The following ABCA5 variants were observed in gnomAD, a reference collection of about 807,000 sequenced individuals.
ABCA5 encodes cholesterol transporter ABCA5.
A neutral mutation model predicts 206.0 loss-of-function variants in ABCA5; 163 were observed. The ratio of observed to expected loss-of-function variants is 0.79; its 90% CI spans 0.70 to 0.90. The LOEUF is 0.90. Among genes scored for constraint, ABCA5 ranks in the 40% least tolerant of loss-of-function variants. The pLI is 0.00. For synonymous variants in ABCA5, 609 were observed against 613.8 expected, an observed-to-expected ratio of 0.99 and a Z score of 0.11; for missense variants, 1,859 against 1,912.9, an observed-to-expected ratio of 0.97 and a Z score of 0.53.
At chr17:69,259,564 A>T (rs957028235) in intron 28 of ABCA5, 142 bp downstream of exon 28, 12 of 509,324 alleles carry the variant, frequency 2.4e-5, no homozygotes, top group African/African-American at 2.2e-4. Flanking sequence ...AGCTATGGGA[A>T]TAGGGATAAG....
chr17:69,270,480 A>C (rs1341844685), intron 22 of ABCA5, 133 bp downstream of exon 22: 1 of 791,998 alleles, frequency 1.3e-6, no homozygotes, highest in Non-Finnish European at 1.9e-6. Flanking sequence ...ACCGTTTCTC[A>C]CTTGAGTTTT....
At chr17:69,247,839 AGATAT>A (rs1463343670) in intron 38 of ABCA5, among the ~76,000 whole-genome samples, 195 bp from the exon 39 acceptor site, 11 of 152,114 alleles carry the variant, frequency 7.2e-5, no homozygotes, top group Admixed American at 1.3e-4. Flanking sequence ...TTAGATTAAT[AGATAT>A]GTTTTTTAAA....
chr17:69,259,593 T>A (rs1374898039), intron 28 of ABCA5, 113 bp downstream of exon 28: 1 of 664,872 alleles, frequency 1.5e-6, no homozygotes, highest in African/African-American at 1.9e-5. Flanking sequence ...TGTTAATGGG[T>A]ACAAAGTTTC....
chr17:69,300,607 A>G (rs761474348), intron 9 of ABCA5, among the ~76,000 whole-genome samples: 6 of 152,246 alleles, frequency 3.9e-5, no homozygotes, highest in Non-Finnish European at 8.8e-5. Flanking sequence ...TAATTGATTT[A>G]ATTGTAATCA....
At chr17:69,282,876 T>C (rs2075410557) in intron 18 of ABCA5, among the ~76,000 whole-genome samples, 1 of 151,940 alleles carries the variant, frequency 6.6e-6, no homozygotes, top group South Asian at 2.1e-4. Flanking sequence ...TATCAAAAGC[T>C]TAGGAATTAT....
At chr17:69,297,149 T>C (rs1169513025) in intron 10 of ABCA5, 42 bp downstream of exon 10, 2 of 1,554,478 alleles carry the variant, frequency 1.3e-6, no homozygotes, top group East Asian at 4.5e-5. Context: ...AAATGTTTCA[T>C]CAGCAGTTCT....
chr17:69,275,045 T>C (rs2075316048), intron 19 of ABCA5, among the ~76,000 whole-genome samples: 1 of 152,048 alleles, frequency 6.6e-6, no homozygotes, highest in South Asian at 2.1e-4. Context: ...GGTTTTGCCA[T>C]GTTGGCCAGA....
chr17:69,322,968 C>T (rs989291462), intron 1 of ABCA5, among the ~76,000 whole-genome samples: 56 of 152,248 alleles, frequency 3.7e-4, no homozygotes, highest in Non-Finnish European at 2.4e-4. Context: ...GAAAGGCTAG[C>T]TGAAAATACA....
At chr17:69,322,936 T>C (rs2075876060) in intron 1 of ABCA5, among the ~76,000 whole-genome samples, 1 of 152,198 alleles carries the variant, frequency 6.6e-6, no homozygotes, top group Non-Finnish European at 1.5e-5. Context: ...GTCACCTTCT[T>C]AGCATCCTTA....
At chr17:69,289,606 T>C (rs931952549) in intron 13 of ABCA5, among the ~76,000 whole-genome samples, 1 of 151,800 alleles carries the variant, frequency 6.6e-6, no homozygotes, top group African/African-American at 2.4e-5. Context: ...TGTGTGGAAG[T>C]GGGAGGGGGT....
Position 69,277,879 on chromosome 17 carries a change from C to A in ABCA5, c.2393-37G>T. The A allele has an allele frequency of 3.5e-6, 5 of 1,410,566 alleles. No homozygotes were observed. In the South Asian group the frequency reaches 6.4e-5, roughly 18 times the overall value. 87.4% of individuals were successfully genotyped at this position (1,410,566 alleles called of 1,614,324 possible). Reference sequence around the variant, plus strand: ...AACAAAACAAACATTTCAGTATGTTCATTAAAAAAGATACAAACTTTCTGA... The same window carrying A: ...AACAAAACAAACATTTCAGTATGTTAATTAAAAAAGATACAAACTTTCTGA... On this transcript the variant is annotated intron_variant, in intron 18 of 38. Transcript: ENST00000392676.
chr17:69,295,296 CTT>C (rs913350876), intron 10 of ABCA5, among the ~76,000 whole-genome samples: 2 of 152,162 alleles, frequency 1.3e-5, no homozygotes, highest in Non-Finnish European at 2.9e-5. Context: ...TTCTCTGCTT[CTT>C]GAGAGCACTT....
rs200185145 is a variant in ABCA5 at position 69,291,192 on chromosome 17, T to G, written c.1606+24A>C. Reference sequence around the variant, plus strand: ...AAAGAATATATATAATGAAGTTTTTTTTTCTTTAAGACAGAAAACTCACCA... The same window carrying G: ...AAAGAATATATATAATGAAGTTTTTGTTTCTTTAAGACAGAAAACTCACCA... On this transcript the variant is annotated intron_variant, in intron 12 of 38. Transcript: ENST00000392676. 142 of 1,490,746 alleles carry G rather than the reference T, an allele frequency of 9.5e-5. 1 individual carries two copies. Among genetic ancestry groups the G allele is most frequent in the Non-Finnish European group, 1.2e-4 (137 of 1,103,582 alleles). The allele number at this position is 1,490,746 out of a possible 1,614,324, so 92.3% of individuals were successfully genotyped here. A position where few individuals can be genotyped will look rare whatever the true frequency, so the allele number is the denominator to read the frequency against.
intron 6 of ABCA5, among the ~76,000 whole-genome samples, chr17:69,305,797 G>T (rs2075710773): frequency 6.6e-6 from 1 of 152,074 alleles, no homozygotes; most frequent in Admixed American, 6.6e-5. Context: ...CTTGAGCCTG[G>T]GAGTTTGAGG....
intron 33 of ABCA5, 48 bp downstream of exon 33, chr17:69,253,746 A>G (rs754445657): frequency 1.3e-6 from 2 of 1,580,330 alleles, no homozygotes; most frequent in South Asian, 2.2e-5. Context: ...ATCAGGTACT[A>G]AACTATCAAT....
At chr17:69,269,150 T>C (rs557806318) in intron 22 of ABCA5, among the ~76,000 whole-genome samples, 1 of 152,294 alleles carries the variant, frequency 6.6e-6, no homozygotes, top group Admixed American at 6.5e-5. Flanking sequence ...TGTTGAAAAT[T>C]GTAAGTTGTA....
Position 69,254,487 on chromosome 17 carries a change from A to G in ABCA5, c.4072T>C (p.Phe1358Leu), listed in dbSNP as rs1378354759. 2 of 1,609,952 alleles carry G rather than the reference A, an allele frequency of 1.2e-6. No homozygotes were observed. Among genetic ancestry groups the G allele is most frequent in the Admixed American group, 3.4e-5 (2 of 59,130 alleles). Residue 1358 changes from phenylalanine (F) to leucine (L), a missense_variant, in exon 32 of 39, where the codon TTT becomes CTT. Physicochemically the swap from Phe to Leu is conservative, Grantham distance 22. Coordinates refer to ENST00000392676, the MANE Select transcript of ABCA5 (RefSeq NM_172232.4). Reference protein sequence around the residue: ...GDIEPTSGQVFLGDYSSETSE... With the variant: ...GDIEPTSGQVLLGDYSSETSE... The stretch of plus-strand genomic sequence containing the variant: ...GTCTCTGAAGAATAATCTCCTAAAA[A>G]TACCTATAGAAACACAAACCAATTT...
chr17:69,294,521 C>CA (rs951737493), intron 11 of ABCA5, 134 bp downstream of exon 11: 157 of 843,094 alleles, frequency 1.9e-4, no homozygotes, highest in African/African-American at 1.2e-3. Context: ...GACTCCATCT[C>CA]AAAAAAAATA....
At position 69,287,633 on chromosome 17, in the gene ABCA5, T is replaced by A; in HGVS notation, c.2021A>T (p.Asp674Val). 1 of 1,611,152 alleles carries A rather than the reference T, an allele frequency of 6.2e-7. No individual in the cohort carries two copies. Among genetic ancestry groups the A allele is most frequent in the Non-Finnish European group, 8.5e-7 (1 of 1,179,046 alleles). ...RVTVFSTHFMDEADILADRKA... is the reference protein window; with the variant it reads ...RVTVFSTHFMVEADILADRKA... Reference sequence around the variant, plus strand: ...CTCACCTGCAAGAATGTCAGCTTCATCCATGAAATGAGTACTGAACACTGT... The same window carrying A: ...CTCACCTGCAAGAATGTCAGCTTCAACCATGAAATGAGTACTGAACACTGT... The change falls in exon 15 of 39, where the codon GAT (aspartate) becomes GTT (valine). Residue 674 changes from aspartate (D) to valine (V), a missense_variant. By Grantham distance (152) the Asp-to-Val change is radical. Transcript: ENST00000392676.
Sources: gnomAD v4.1 joint callset for allele counts (sites outside exome capture counted in the v4.1 genomes callset) on GRCh38, gnomAD v4.1.1 for gene constraint, MANE v1.5 for transcripts, NCBI Gene and HGNC (gene_info 2026-07-23, HGNC 2026-07-21) for gene names.